The following XPOT variants were observed in gnomAD, a reference collection of about 807,000 sequenced individuals.
XPOT encodes exportin-T.
In XPOT, 34 loss-of-function variants were observed where a neutral mutation model predicts 128.2. That is an observed-to-expected ratio of 0.27 (90% CI 0.20 to 0.35). XPOT has a LOEUF of 0.35. Ranked by LOEUF, XPOT falls within the 10% of genes least tolerant of loss-of-function variation. The pLI is 1.00. For missense variants in XPOT, 838 were observed against 1,125.3 expected, an observed-to-expected ratio of 0.74 and a Z score of 3.65; for synonymous variants, 348 against 394.3, an observed-to-expected ratio of 0.88 and a Z score of 1.39.
Position 64,420,209 on chromosome 12 carries a change from G to C in XPOT, c.629G>C (p.Gly210Ala), listed in dbSNP as rs750182479. The C allele has an allele frequency of 1.1e-5, 17 of 1,609,638 alleles. No homozygotes were observed. The highest frequency in any genetic ancestry group is 1.4e-5 in the Non-Finnish European group (16 of 1,178,582). ...EVTCQCLEVV[G>A]AYVSWIDLSL... ...ACGTGTCAGTGCCTTGAAGTAGTTG[G>C]GGCTTATGTCTCTTGGATAGACTTA... Residue 210 changes from glycine to alanine, a missense_variant, in exon 7 of 25, where the codon GGG (glycine) becomes GCG (alanine). By Grantham distance (60) the Gly-to-Ala change is moderately conservative. Around this residue, in one of 3 missense-constraint regions of XPOT, gnomAD observed 761 missense variants for 988.3 expected, o/e 0.77. Transcript: ENST00000332707.
chr12:64,424,814 C>T, intron 12 of XPOT, 91 bp downstream of exon 12: 1 of 1,501,852 alleles, frequency 6.7e-7, no homozygotes, highest in Non-Finnish European at 9.0e-7. Flanking sequence ...ACTTATTAAT[C>T]CATGTTACTT....
intron 15 of XPOT, among the ~76,000 whole-genome samples, chr12:64,427,199 A>C (rs947140562): frequency 5.4e-5 from 8 of 147,268 alleles, no homozygotes; most frequent in African/African-American, 2.0e-4. Flanking sequence ...GACTCACTGC[A>C]ACCCCTGCCT....
At position 64,423,193 on chromosome 12, in the gene XPOT, G is replaced by A; in HGVS notation, c.1131G>A (p.Leu377=). 1 of 1,596,186 alleles carries A rather than the reference G, an allele frequency of 6.3e-7. No homozygotes were observed. The highest frequency in any genetic ancestry group is 2.2e-5 in the East Asian group (1 of 44,506). Residue 377 remains leucine, a synonymous_variant, in exon 11 of 25, where the codon TTG becomes TTA. Coordinates refer to ENST00000332707, the MANE Select transcript of XPOT (RefSeq NM_007235.6). ...AATTTTATTCTTAGGCAATCATGTT[G>A]GCCGTTATGAAAAAATTGACTTACG... The part of the protein sequence containing the change: ...QQKANVEAIM[L]AVMKKLTYDE...
intron 12 of XPOT, 141 bp from the exon 13 acceptor site, chr12:64,424,897 G>T (rs1161265136): frequency 7.6e-7 from 1 of 1,315,656 alleles, no homozygotes; most frequent in Non-Finnish European, 1.0e-6. Context: ...TTCTACCTTT[G>T]TGATGTATTG....
chr12:64,412,087 C>T (rs951505315), intron 2 of XPOT, among the ~76,000 whole-genome samples: 3 of 141,716 alleles, frequency 2.1e-5, no homozygotes, highest in African/African-American at 7.9e-5. Context: ...GGAATGGCAC[C>T]ATCTTGGCTC....
At chr12:64,421,091 C>G (rs1226693941) in intron 8 of XPOT, 144 bp from the exon 9 acceptor site, 1 of 717,922 alleles carries the variant, frequency 1.4e-6, no homozygotes, top group African/African-American at 1.8e-5. Context: ...CATAAGCCAC[C>G]GTGCCCAGCC....
intron 22 of XPOT, among the ~76,000 whole-genome samples, chr12:64,438,950 G>C (rs922578281): frequency 1.3e-5 from 2 of 152,156 alleles, no homozygotes; most frequent in African/African-American, 4.8e-5. Flanking sequence ...TTTTCAGATG[G>C]AGAAACTGAG....
At chr12:64,423,454 C>T (rs563368275) in intron 11 of XPOT, among the ~76,000 whole-genome samples, 1 of 152,074 alleles carries the variant, frequency 6.6e-6, no homozygotes, top group South Asian at 2.1e-4. Context: ...ACCACCCCCC[C>T]TCCTTTTTTT....
chr12:64,440,762 CTA>C (rs1247471953), intron 23 of XPOT, among the ~76,000 whole-genome samples: 1 of 152,060 alleles, frequency 6.6e-6, no homozygotes, highest in Non-Finnish European at 1.5e-5. Flanking sequence ...TTGGAGAAGT[CTA>C]TTCAAGTCTT....
chr12:64,427,553 T>G (rs2040203194), intron 15 of XPOT, among the ~76,000 whole-genome samples: 1 of 152,146 alleles, frequency 6.6e-6, no homozygotes, highest in Non-Finnish European at 1.5e-5. Context: ...TGGAGTATAG[T>G]GGCTGGATCC....
intron 22 of XPOT, among the ~76,000 whole-genome samples, chr12:64,438,453 A>G (rs2040299935): frequency 6.6e-6 from 1 of 152,190 alleles, no homozygotes; most frequent in South Asian, 2.1e-4. Context: ...TCTGGGAAAC[A>G]GTGAAGGGTT....
chr12:64,416,656 G>A (rs1477018313), intron 3 of XPOT, 42 bp from the exon 4 acceptor site: 2 of 1,540,594 alleles, frequency 1.3e-6, no homozygotes. Flanking sequence ...GTTTTCCTCA[G>A]TTCATATTCT....
intron 14 of XPOT, 118 bp downstream of exon 14, chr12:64,425,575 G>C: frequency 1.5e-6 from 2 of 1,338,712 alleles, no homozygotes; most frequent in Admixed American, 2.2e-5. Flanking sequence ...GAAGTGCTTG[G>C]CACACACTGA....
rs1343223767 is a variant in XPOT at position 64,425,512 on chromosome 12, G to C, written c.1572+55G>C. On this transcript the variant is annotated intron_variant, in intron 14 of 24. Transcript: ENST00000332707. ...ATGGGTTTCAGCTAATGACTTGATA[G>C]TGTAGTATTGTATTTTTCTGTCTAT... 6 of 1,583,126 alleles carry C rather than the reference G, an allele frequency of 3.8e-6. No homozygotes were observed. The East Asian group carries it at 1.1e-4, about 30-fold the overall frequency.
Position 64,411,597 on chromosome 12 carries a change from G to A in XPOT, c.60+1502G>A, listed in dbSNP as rs565099497. ...TACGTGTTTTAAGCATCCAGGTCCA[G>A]GCATAATTCAGTATCCATTTAGCCA... On this transcript the variant is annotated intron_variant, in intron 2 of 24. Coordinates refer to ENST00000332707, the MANE Select transcript of XPOT (RefSeq NM_007235.6). Among the ~76,000 whole-genome samples, 3 of 152,282 alleles carry A rather than the reference G, an allele frequency of 2.0e-5. No individual in the cohort carries two copies. The South Asian group carries it at 6.2e-4, about 32-fold the overall frequency.
In XPOT at chr12:64,417,005, G is replaced by T. The variant is rs143594150; in HGVS notation, c.200+251G>T. ...AGGCCGGTAGATCACTTGAAGTCAG[G>T]AGTTTGAGACTAACCAGCCTGGCCA... On this transcript the variant is annotated intron_variant, in intron 4 of 24. Transcript: ENST00000332707. 4.5e-3 allele frequency among the ~76,000 whole-genome samples: 683 copies of T among 152,218 alleles called. 4 individuals carry two copies. Among genetic ancestry groups the T allele is most frequent in the African/African-American group, 0.016 (644 of 41,522 alleles).
chr12:64,425,004 C>T, intron 12 of XPOT, 34 bp from the exon 13 acceptor site: 2 of 1,610,160 alleles, frequency 1.2e-6, no homozygotes, highest in Non-Finnish European at 8.5e-7. Flanking sequence ...AAAAATTTAT[C>T]TTTAAATCTC....
At chr12:64,435,822 A>C in intron 22 of XPOT, 148 bp downstream of exon 22, 1 of 681,446 alleles carries the variant, frequency 1.5e-6, no homozygotes, top group Middle Eastern at 3.8e-4. Context: ...AGCAGTATCC[A>C]TTTATTGTCC....
Position 64,435,485 on chromosome 12 carries a change from C to T in XPOT, c.2686-142C>T, listed in dbSNP as rs187666256. 4.9e-3 allele frequency: 2,955 copies of T among 599,566 alleles called. 12 individuals carry two copies. The highest frequency in any genetic ancestry group is 6.1e-3 in the Non-Finnish European group (2,396 of 394,968). 37.1% of individuals were successfully genotyped at this position (599,566 alleles called of 1,614,324 possible). On this transcript the variant is annotated intron_variant, in intron 21 of 24. Transcript: ENST00000332707. ...TCCATCTGCCTGTTACCTTTCCTTC[C>T]TCTATCCCTTCTCTGGAGTTAAATA...
Sources: allele counts gnomAD v4.1 joint callset (sites outside exome capture counted in the v4.1 genomes callset), GRCh38; gene constraint gnomAD v4.1.1; regional missense constraint gnomAD v4.1.1; transcripts MANE v1.5; gene names NCBI Gene and HGNC (gene_info 2026-07-23, HGNC 2026-07-21).